The following MYZAP variants were observed in gnomAD, a reference collection of about 807,000 sequenced individuals.
MYZAP encodes GRINL1A complex locus upstream.
In MYZAP, 66 loss-of-function variants were observed where a neutral mutation model predicts 69.4. The ratio of observed to expected loss-of-function variants is 0.95; its 90% CI spans 0.78 to 1.17. MYZAP has a LOEUF of 1.17. MYZAP is among the 50% of genes most tolerant of loss of function. The pLI is 0.00. For missense variants in MYZAP, 611 were observed against 556.2 expected (o/e 1.10, Z -0.99); for synonymous variants, 256 against 205.9 (o/e 1.24, Z -2.09).
In MYZAP at chr15:57,661,438, CT is replaced by C. The variant is rs761748233; in HGVS notation, c.1120-9del. 1 of 1,597,892 alleles carries C rather than the reference CT, an allele frequency of 6.3e-7. No homozygotes were observed. The highest frequency in any genetic ancestry group is 2.2e-5 in the East Asian group (1 of 44,642). On this transcript the variant is annotated splice_polypyrimidine_tract_variant and intron_variant, in intron 10 of 12. Transcript: ENST00000267853. ...ATTTTTGATTAACAATTTTCCATCC[CT>C]TTCTTTCTAGATTGAATCATTAAAG...
chr15:57,668,873 GATATATAT>G (rs34433014), intron 11 of MYZAP, among the ~76,000 whole-genome samples: 8 of 134,216 alleles, frequency 6.0e-5, no homozygotes, highest in East Asian at 2.1e-4. Flanking sequence ...GTCTGTTGAA[GATATATAT>G]ATATATATAT....
chr15:57,638,951 T>G (rs1341570725), intron 9 of MYZAP, among the ~76,000 whole-genome samples: 3 of 152,156 alleles, frequency 2.0e-5, no homozygotes, highest in African/African-American at 7.2e-5. Context: ...GCAAAAAAAT[T>G]ATCTCTCAGC....
intron 1 of MYZAP, among the ~76,000 whole-genome samples, chr15:57,604,019 T>C (rs186445115): frequency 5.4e-4 from 83 of 152,340 alleles, no homozygotes; most frequent in Admixed American, 1.2e-3. Context: ...TAAAGAAATG[T>C]TTGAAATAGA....
Position 57,637,626 on chromosome 15 carries a change from T to C in MYZAP, c.934-69T>C, listed in dbSNP as rs544126764. The C allele has an allele frequency of 7.7e-6, 12 of 1,550,398 alleles. No individual in the cohort carries two copies. In the East Asian group the frequency reaches 2.5e-4, roughly 33 times the overall value. On this transcript the variant is annotated intron_variant, in intron 8 of 12. Coordinates refer to ENST00000267853, the MANE Select transcript of MYZAP (RefSeq NM_001018100.5). Reference sequence around the variant, plus strand: ...AGACTTGGACTCCCTAGTGCTAGAATTGCTAAATAGACATTCTCTGTCAAA... The same window carrying C: ...AGACTTGGACTCCCTAGTGCTAGAACTGCTAAATAGACATTCTCTGTCAAA...
chr15:57,684,163 A>G (rs573571177), intron 12 of MYZAP, among the ~76,000 whole-genome samples: 4 of 152,236 alleles, frequency 2.6e-5, no homozygotes, highest in African/African-American at 9.6e-5. Flanking sequence ...ATCACCTCCC[A>G]AAGTCCCCAC....
intron 1 of MYZAP, among the ~76,000 whole-genome samples, chr15:57,594,261 G>A (rs2033913463): frequency 6.6e-6 from 1 of 152,136 alleles, no homozygotes; most frequent in South Asian, 2.1e-4. Context: ...GACTACAGGC[G>A]CACACCACCA....
Position 57,629,971 on chromosome 15 carries a change from A to ATTTTTTTTTTTTTTTTT in MYZAP, c.678+132_678+133insTTTTTTTTTTTTTTTTT, listed in dbSNP as rs59322468. 62 of 875,248 alleles carry ATTTTTTTTTTTTTTTTT rather than the reference A, an allele frequency of 7.1e-5. 3 individuals carry two copies. In the African/African-American group the frequency reaches 8.2e-4, roughly 12 times the overall value. 54.2% of individuals were successfully genotyped at this position (875,248 alleles called of 1,614,324 possible). On this transcript the variant is annotated intron_variant, in intron 6 of 12. Transcript: ENST00000267853. ...TTTTCTCCATTCTCTTCTTCATTGG[A>ATTTTTTTTTTTTTTTTT]TTTTTTTTTTTTTTTGAGACAGAGT...
chr15:57,665,080 CTCTT>C (rs1300218117), intron 11 of MYZAP, among the ~76,000 whole-genome samples: 7 of 152,226 alleles, frequency 4.6e-5, no homozygotes, highest in African/African-American at 7.2e-5. Flanking sequence ...TAATGAATCA[CTCTT>C]TCTCTTTTGC....
At chr15:57,660,057 A>G (rs1334249160) in intron 10 of MYZAP, among the ~76,000 whole-genome samples, 1 of 152,130 alleles carries the variant, frequency 6.6e-6, no homozygotes, top group Non-Finnish European at 1.5e-5. Flanking sequence ...TGAGATCTGC[A>G]TTTTTTGGAA....
chr15:57,596,654 C>G (rs2034078449), intron 1 of MYZAP, among the ~76,000 whole-genome samples: 1 of 152,194 alleles, frequency 6.6e-6, no homozygotes, highest in South Asian at 2.1e-4. Context: ...TCAGTACTGC[C>G]AGGAAAAAGT....
chr15:57,642,510 A>G (rs2037218632), intron 10 of MYZAP, among the ~76,000 whole-genome samples: 1 of 152,180 alleles, frequency 6.6e-6, no homozygotes, highest in African/African-American at 2.4e-5. Flanking sequence ...AGCGGATGTT[A>G]AGGACCCTTT....
intron 12 of MYZAP, among the ~76,000 whole-genome samples, chr15:57,677,913 G>C (rs2039220332): frequency 6.6e-6 from 1 of 151,958 alleles, no homozygotes; most frequent in African/African-American, 2.4e-5. Context: ...TGTACATAAA[G>C]CATTTAGAGA....
intron 8 of MYZAP, among the ~76,000 whole-genome samples, chr15:57,634,012 G>A (rs1296362688): frequency 6.6e-6 from 1 of 152,196 alleles, no homozygotes; most frequent in Non-Finnish European, 1.5e-5. Context: ...TGGTGCCCCA[G>A]GTGTGAACTT....
At chr15:57,632,609 A>G (rs759100252) in intron 7 of MYZAP, 50 bp downstream of exon 7, 3 of 1,608,992 alleles carry the variant, frequency 1.9e-6, no homozygotes, top group Non-Finnish European at 2.5e-6. Flanking sequence ...TTGTTGGTTC[A>G]TTATTGTTGG....
In MYZAP at chr15:57,592,054, C is replaced by A. The variant is rs1391330501; in HGVS notation, c.20C>A (p.Thr7Lys). 3.5e-6 allele frequency: 5 copies of A among 1,423,698 alleles called. No individual in the cohort carries two copies. Among genetic ancestry groups the A allele is most frequent in the East Asian group, 6.1e-5 (2 of 32,816 alleles). The allele number at this position is 1,423,698 out of a possible 1,614,324, so 88.2% of individuals were successfully genotyped here. A position where few individuals can be genotyped will look rare whatever the true frequency, so the allele number is the denominator to read the frequency against. ...TGCGGGATGCTGCGCTCCACGTCCA[C>A]GGTCACCCTGCTCTCGGGCGGCGCC... MLRSTS[T>K]VTLLSGGAAR... Residue 7 changes from threonine to lysine, a missense_variant, in exon 1 of 13, where the codon ACG becomes AAG. Transcript: ENST00000267853.
At chr15:57,623,230 A>G (rs1440630157) in intron 4 of MYZAP, among the ~76,000 whole-genome samples, 1 of 152,234 alleles carries the variant, frequency 6.6e-6, no homozygotes, top group African/African-American at 2.4e-5. Flanking sequence ...GTTGCTGATG[A>G]AAATGCAATT....
At chr15:57,668,114 G>GCATCTAAA (rs2038678826) in intron 11 of MYZAP, among the ~76,000 whole-genome samples, 18 of 152,166 alleles carry the variant, frequency 1.2e-4, no homozygotes, top group African/African-American at 4.3e-4. Context: ...GCGCATCTAA[G>GCATCTAAA]TTGTATGCAT....
chr15:57,637,214 A>C (rs2036868169), intron 8 of MYZAP, among the ~76,000 whole-genome samples: 1 of 152,254 alleles, frequency 6.6e-6, no homozygotes, highest in South Asian at 2.1e-4. Flanking sequence ...TTCAGGAATC[A>C]GGACATGGAC....
intron 1 of MYZAP, among the ~76,000 whole-genome samples, chr15:57,596,043 C>G (rs550902681): frequency 6.6e-6 from 1 of 152,294 alleles, no homozygotes; most frequent in African/African-American, 2.4e-5. Flanking sequence ...GTGCCCAGCT[C>G]TATGCTTTTG....
Sources: allele counts gnomAD v4.1 joint callset (sites outside exome capture counted in the v4.1 genomes callset), GRCh38; gene constraint gnomAD v4.1.1; transcripts MANE v1.5; gene names NCBI Gene and HGNC (gene_info 2026-07-23, HGNC 2026-07-21).